Variants in MROH2B observed in about 807,000 individuals in gnomAD.
MROH2B encodes the protein maestro heat-like repeat-containing protein family member 2B.
MROH2B carries 177 observed loss-of-function variants against 208.6 expected under a neutral mutation model. That is an observed-to-expected ratio of 0.85 (90% confidence interval 0.75 to 0.96). The LOEUF (loss-of-function observed/expected upper bound fraction) is 0.96. Among genes scored for constraint, MROH2B ranks in the 40% least tolerant of loss-of-function variants. MROH2B has a pLI of 0.00. For synonymous variants in MROH2B, 728 were observed against 659.0 expected, an observed-to-expected ratio of 1.10 and a Z score of -1.60; for missense variants, 2,002 against 1,878.7, an observed-to-expected ratio of 1.07 and a Z score of -1.21.
intron 33 of MROH2B, 37 bp from the exon 34 acceptor site, chr5:41,007,491 C>T (rs535878558): frequency 2.0e-5 from 29 of 1,475,914 alleles, no homozygotes; most frequent in Non-Finnish European, 2.5e-5. Context: ...ACTAAGTTGA[C>T]CCTTATAGGG....
Position 41,014,638 on chromosome 5 carries a change from C to G in MROH2B, c.2982+743G>C, listed in dbSNP as rs78778644. ...AAGTTCCTTAAAAAGGCCCAGAAGG[C>G]CCTTGGATCAGCCTCCAGTTATCTC... On this transcript the variant is annotated intron_variant, in intron 29 of 41. Coordinates refer to ENST00000399564, the MANE Select transcript of MROH2B (RefSeq NM_173489.5). Among the ~76,000 whole-genome samples the G allele has an allele frequency of 2.7e-3, 415 of 152,192 alleles. 3 individuals are homozygous for G. Among genetic ancestry groups the G allele is most frequent in the Middle Eastern group, 6.8e-3 (2 of 292 alleles).
At chr5:41,045,456 T>C (rs983579525) in intron 18 of MROH2B, among the ~76,000 whole-genome samples, 3 of 152,186 alleles carry the variant, frequency 2.0e-5, no homozygotes, top group African/African-American at 7.2e-5. Flanking sequence ...TATCTATTCT[T>C]CTTCCTCCTG....
intron 13 of MROH2B, among the ~76,000 whole-genome samples, chr5:41,050,568 C>T (rs1247110891): frequency 6.6e-6 from 1 of 152,100 alleles, no homozygotes; most frequent in Non-Finnish European, 1.5e-5. Context: ...CTACAGATTC[C>T]AAGGCTCTTC....
At chr5:41,035,006 A>G (rs1742708238) in intron 21 of MROH2B, among the ~76,000 whole-genome samples, 1 of 152,188 alleles carries the variant, frequency 6.6e-6, no homozygotes, top group South Asian at 2.1e-4. Context: ...CAATATTGTT[A>G]GAATGATCAT....
rs372000178 is a variant in MROH2B, at chr5:41,052,278, AAT to A, written c.1230+185_1230+186del. Among the ~76,000 whole-genome samples, 28 of 151,484 alleles carry A rather than the reference AAT, an allele frequency of 1.8e-4. No individual in the cohort carries two copies. The South Asian group carries it at 5.6e-3, about 30-fold the overall frequency. ...TTATCAATAAAAGTGATAAGATTAAAATATGACTTCAAAATCAGTTATTTAAT... is the reference window on the plus strand; with the variant it reads ...TTATCAATAAAAGTGATAAGATTAAAATGACTTCAAAATCAGTTATTTAAT... On this transcript the variant is annotated intron_variant, in intron 12 of 41. Transcript: ENST00000399564.
chr5:41,069,293 T>C (rs1427795518), intron 2 of MROH2B, among the ~76,000 whole-genome samples: 1 of 152,184 alleles, frequency 6.6e-6, no homozygotes, highest in African/African-American at 2.4e-5. Flanking sequence ...GTGAAAAGCC[T>C]TCAATTCTTA....
Position 40,999,660 on chromosome 5 carries a change from T to C in MROH2B, c.4585+17A>G, listed in dbSNP as rs1257939094. The C allele has an allele frequency of 6.3e-7, 1 of 1,588,498 alleles. No homozygotes were observed. The highest frequency in any genetic ancestry group is 1.1e-5 in the South Asian group (1 of 87,454). On this transcript the variant is annotated intron_variant, in intron 40 of 41. Coordinates refer to ENST00000399564, the MANE Select transcript of MROH2B (RefSeq NM_173489.5). Reference sequence around the variant, plus strand: ...AAAGCAGACATATCTGGGTAGGAAATGGGGATGTGTACTCACCTGTGAGTT... The same window carrying C: ...AAAGCAGACATATCTGGGTAGGAAACGGGGATGTGTACTCACCTGTGAGTT...
intron 24 of MROH2B, among the ~76,000 whole-genome samples, chr5:41,032,281 A>G (rs1742596918): frequency 6.6e-6 from 1 of 152,110 alleles, no homozygotes; most frequent in Non-Finnish European, 1.5e-5. Flanking sequence ...ATGAGATGCT[A>G]TCTTATTGTG....
chr5:41,025,782 C>G (rs1246815347), intron 24 of MROH2B, among the ~76,000 whole-genome samples: 1 of 152,112 alleles, frequency 6.6e-6, no homozygotes, highest in African/African-American at 2.4e-5. Context: ...ATGCAAAAAT[C>G]CTCAATAAAA....
intron 3 of MROH2B, 52 bp downstream of exon 3, chr5:41,067,056 G>A (rs1001934233): frequency 2.1e-6 from 2 of 961,782 alleles, no homozygotes; most frequent in African/African-American, 3.2e-5. Context: ...TGTCCACATG[G>A]GTGCAGTTGG....
rs770569938 is a variant in MROH2B at position 41,067,227 on chromosome 5, A to C, written c.91-9T>G. On this transcript the variant is annotated splice_polypyrimidine_tract_variant and intron_variant, in intron 2 of 41. Transcript: ENST00000399564. ...TGACTGTAAATGTCTTCCTGTGAAT[A>C]TACAAAGGCATACACAGAAATTTGG... The C allele has an allele frequency of 6.9e-7, 1 of 1,448,416 alleles. No homozygotes were observed. Among genetic ancestry groups the C allele is most frequent in the South Asian group, 1.2e-5 (1 of 81,798 alleles). 89.7% of individuals were successfully genotyped at this position (1,448,416 alleles called of 1,614,324 possible). A position where few individuals can be genotyped will look rare whatever the true frequency, so the allele number is the denominator to read the frequency against.
intron 16 of MROH2B, 96 bp downstream of exon 16, chr5:41,048,228 C>T: frequency 7.2e-7 from 1 of 1,397,150 alleles, no homozygotes; most frequent in Non-Finnish European, 9.5e-7. Flanking sequence ...TTTTTATTGC[C>T]TAAAATGAGC....
chr5:41,042,671 C>A (rs1022065790), intron 18 of MROH2B, among the ~76,000 whole-genome samples: 15 of 152,184 alleles, frequency 9.9e-5, no homozygotes, highest in African/African-American at 3.4e-4. Context: ...GTGGTGCGAT[C>A]TTGGCTCACT....
At chr5:41,025,641 T>C (rs1205065017) in intron 24 of MROH2B, among the ~76,000 whole-genome samples, 1 of 152,132 alleles carries the variant, frequency 6.6e-6, no homozygotes, top group Non-Finnish European at 1.5e-5. Flanking sequence ...TCTGAAACTA[T>C]TCCAATCAAT....
chr5:41,027,743 G>A (rs373966177), intron 24 of MROH2B, among the ~76,000 whole-genome samples: 3 of 152,182 alleles, frequency 2.0e-5, no homozygotes, highest in Non-Finnish European at 1.5e-5. Flanking sequence ...GCAGACGTAT[G>A]TTTATTGTGG....
intron 24 of MROH2B, among the ~76,000 whole-genome samples, chr5:41,031,091 C>T (rs111657486): frequency 0.033 from 4,943 of 151,992 alleles, 252 homozygotes; most frequent in African/African-American, 0.11. Flanking sequence ...AATGTATTAG[C>T]GCATTTTCAC....
rs775882325 is a variant in MROH2B, at chr5:41,061,609, A to G, written c.576T>C (p.Tyr192=). 13 of 1,613,910 alleles carry G rather than the reference A, an allele frequency of 8.1e-6. 1 individual carries two copies. In the South Asian group the frequency reaches 1.4e-4, roughly 18 times the overall value. The part of the protein sequence containing the change: ...LSDKIFMLFW[Y]IMEKWAPLAS... ...CCAAAGGGGCCCACTTCTCCATTAT[A>G]TACCAGAACAGCATGAAGATCTTGT... Residue 192 remains tyrosine (Y), a synonymous_variant, in exon 6 of 42, where the codon TAT becomes TAC. Coordinates refer to ENST00000399564, the MANE Select transcript of MROH2B (RefSeq NM_173489.5).
intron 21 of MROH2B, among the ~76,000 whole-genome samples, chr5:41,036,357 T>C (rs1742759738): frequency 6.6e-6 from 1 of 152,174 alleles, no homozygotes; most frequent in South Asian, 2.1e-4. Context: ...TCTCTTCTCT[T>C]GTCTGCTGCC....
chr5:41,004,689 G>T, intron 36 of MROH2B, 85 bp downstream of exon 36: 1 of 1,545,006 alleles, frequency 6.5e-7, no homozygotes, highest in Non-Finnish European at 8.7e-7. Context: ...CAATTAATTT[G>T]TATGCAACAA....
Sources: gnomAD v4.1 joint callset for allele counts (sites outside exome capture counted in the v4.1 genomes callset) on GRCh38, gnomAD v4.1.1 for gene constraint, MANE v1.5 for transcripts, NCBI Gene and HGNC (gene_info 2026-07-23, HGNC 2026-07-21) for gene names.